CASR: variants seen among roughly 807,000 people sequenced by gnomAD.
The protein encoded by CASR is extracellular calcium-sensing receptor.
In CASR, 23 loss-of-function variants were observed where a neutral mutation model predicts 69.1. That is an observed-to-expected ratio of 0.33 (90% CI 0.24 to 0.47). CASR has a LOEUF of 0.47. Ranked by LOEUF, CASR falls within the 20% of genes least tolerant of loss-of-function variation. The pLI, the probability that CASR is intolerant of heterozygous loss-of-function variation, is 1.00. For missense variants in CASR, 924 were observed against 1,356.1 expected (o/e 0.68, Z 5.00); for synonymous variants, 541 against 544.7 (o/e 0.99, Z 0.10).
Position 122,254,295 on chromosome 3 carries a change from G to A in CASR, c.106G>A (p.Gly36Arg), listed in dbSNP as rs193922420. The change falls in exon 2 of 7, where the codon GGG becomes AGG. Residue 36 changes from glycine to arginine, a missense_variant. By Grantham distance (125) the Gly-to-Arg change is moderately radical. Transcript: ENST00000639785. ...AQKKGDIILGGLFPIHFGVAA... is the reference protein window; with the variant it reads ...AQKKGDIILGRLFPIHFGVAA... ...AAAGAAGGGGGACATTATCCTTGGG[G>A]GGCTCTTTCCTATTCATTTTGGAGT... 7.4e-6 allele frequency: 12 copies of A among 1,614,012 alleles called. No homozygotes were observed. The highest frequency in any genetic ancestry group is 9.3e-6 in the Non-Finnish European group (11 of 1,180,038).
chr3:122,204,265 T>G (rs1258324849), intron 1 of CASR, among the ~76,000 whole-genome samples: 1 of 152,194 alleles, frequency 6.6e-6, no homozygotes, highest in Admixed American at 6.5e-5. Context: ...TGGTGACCAC[T>G]AGTCTCCTCT....
intron 1 of CASR, among the ~76,000 whole-genome samples, chr3:122,192,629 G>T (rs1276600741): frequency 6.6e-6 from 1 of 152,160 alleles, no homozygotes; most frequent in Admixed American, 6.5e-5. Flanking sequence ...TAGAGAGCAG[G>T]TATATGTATT....
At chr3:122,203,285 G>A (rs2073975334) in intron 1 of CASR, among the ~76,000 whole-genome samples, 4 of 152,216 alleles carry the variant, frequency 2.6e-5, no homozygotes. Flanking sequence ...ACACAGGAGA[G>A]ACAGTCATGG....
Position 122,284,818 on chromosome 3 carries a change from G to A in CASR, c.2864G>A (p.Arg955Gln), listed in dbSNP as rs866599196. ...CCCCTGACCCTCCCACAGCAGCAAC[G>A]ATCTCAGCAGCAGCCCAGATGCAAG... is the stretch of plus-strand genomic sequence containing the variant. ...QQPLTLPQQQ[R>Q]SQQQPRCKQK... Residue 955 changes from arginine (R) to glutamine (Q), a missense_variant, in exon 7 of 7, where the codon CGA becomes CAA. Physicochemically the swap from Arg to Gln is conservative, Grantham distance 43. Coordinates refer to ENST00000639785, the MANE Select transcript of CASR (RefSeq NM_000388.4). The A allele has an allele frequency of 5.0e-6, 8 of 1,614,110 alleles. No individual in the cohort carries two copies. The Admixed American group carries it at 5.0e-5, about 10-fold the overall frequency.
chr3:122,201,019 T>TTTTA, intron 1 of CASR, among the ~76,000 whole-genome samples: 1 of 139,288 alleles, frequency 7.2e-6, no homozygotes, highest in African/African-American at 2.6e-5. Context: ...TTTTTTTTTT[T>TTTTA]ATTGATCATT....
chr3:122,223,590 T>C (rs1471618599), intron 1 of CASR, among the ~76,000 whole-genome samples: 1 of 152,150 alleles, frequency 6.6e-6, no homozygotes, highest in African/African-American at 2.4e-5. Context: ...CAGAGCCAGA[T>C]GGATTCACAG....
intron 1 of CASR, among the ~76,000 whole-genome samples, chr3:122,240,889 C>T (rs2107614613): frequency 6.6e-6 from 1 of 152,128 alleles, no homozygotes; most frequent in South Asian, 2.1e-4. Context: ...AGTTTGGAAA[C>T]TATACAATCA....
intron 1 of CASR, among the ~76,000 whole-genome samples, chr3:122,214,463 T>C (rs1445426242): frequency 5.3e-5 from 8 of 152,148 alleles, no homozygotes; most frequent in African/African-American, 1.9e-4. Context: ...GACAGGATAA[T>C]GAAGGGATGA....
intron 1 of CASR, among the ~76,000 whole-genome samples, chr3:122,195,875 T>G (rs978239915): frequency 6.6e-6 from 1 of 152,186 alleles, no homozygotes; most frequent in Non-Finnish European, 1.5e-5. Flanking sequence ...ACTGCGAGAG[T>G]ATAAATGAAT....
chr3:122,253,761 T>C (rs34512163), intron 1 of CASR, among the ~76,000 whole-genome samples, 187 bp from the exon 2 acceptor site: 268 of 152,270 alleles, frequency 1.8e-3, no homozygotes, highest in African/African-American at 6.2e-3. Flanking sequence ...TCTTCCCCAA[T>C]ATGGGCAATT....
At chr3:122,244,623 AGGCATGAGTGGG>A (rs2074409456) in intron 1 of CASR, among the ~76,000 whole-genome samples, 1 of 152,096 alleles carries the variant, frequency 6.6e-6, no homozygotes, top group Admixed American at 6.5e-5. Flanking sequence ...GACTCTAGGG[AGGCATGAGTGGG>A]GGCTCCGGAG....
At position 122,262,180 on chromosome 3, in the gene CASR, A is replaced by G. The variant is rs2074634937; in HGVS notation, c.1145A>G (p.Asp382Gly). 6.2e-7 allele frequency: 1 copy of G among 1,614,104 alleles called. No homozygotes were observed. Among genetic ancestry groups the G allele is most frequent in the African/African-American group, 1.3e-5 (1 of 74,934 alleles). The change falls in exon 4 of 7, where the codon GAC (aspartate) becomes GGC (glycine). Residue 382 changes from aspartate to glycine, a missense_variant. By Grantham distance (94) the Asp-to-Gly change is moderately conservative. Transcript: ENST00000639785. The part of the protein sequence containing the change: ...TFLRGHEESG[D>G]RFSNSSTAFR... ...CTGAGAGGTCACGAAGAAAGTGGCG[A>G]CAGGTTTAGCAACAGCTCGACAGCC...
intron 1 of CASR, among the ~76,000 whole-genome samples, chr3:122,233,615 T>G (rs2074300287): frequency 6.6e-6 from 1 of 152,226 alleles, no homozygotes; most frequent in African/African-American, 2.4e-5. Flanking sequence ...GAGCGAATGT[T>G]TCTTCTCTCA....
At chr3:122,205,167 G>C (rs756397129) in intron 1 of CASR, among the ~76,000 whole-genome samples, 1 of 152,010 alleles carries the variant, frequency 6.6e-6, no homozygotes, top group African/African-American at 2.4e-5. Context: ...CCAATGTCCC[G>C]AAGCATTTCC....
chr3:122,252,343 AGAAGAAAGAAAGAAAGAAAGAAGGAAG>A (rs1175497937), intron 1 of CASR, among the ~76,000 whole-genome samples: 1 of 63,018 alleles, frequency 1.6e-5, no homozygotes, highest in African/African-American at 6.4e-5. Context: ...AGAGAAAGAA[AGAAGAAAGAAAGAAAGAAAGAAGGAAG>A]GAAGGAAGGA....
At position 122,252,449 on chromosome 3, in the gene CASR, A is replaced by AAAGAAAGAAAGAAAGAAAGAAAG. The variant is rs1559954421; in HGVS notation, c.-242-1497_-242-1496insGAAAGAAAGAAAGAAAGAAAGAA. On this transcript the variant is annotated intron_variant, in intron 1 of 6. Coordinates refer to ENST00000639785, the MANE Select transcript of CASR (RefSeq NM_000388.4). ...AGAAAGAAAGAAAGAAAGAAAGAAAAAAAAGAAAAGAAAGAAAAGAAAAGA... is the reference window on the plus strand; with the variant it reads ...AGAAAGAAAGAAAGAAAGAAAGAAAAAAGAAAGAAAGAAAGAAAGAAAGAAAAGAAAAGAAAGAAAAGAAAAGA... Among the ~76,000 whole-genome samples, 74 of 54,552 alleles carry AAAGAAAGAAAGAAAGAAAGAAAG rather than the reference A, an allele frequency of 1.4e-3. 2 individuals are homozygous for AAAGAAAGAAAGAAAGAAAGAAAG. The highest frequency in any genetic ancestry group is 3.2e-3 in the African/African-American group (42 of 13,260). The allele number at this position is 54,552 out of a possible 152,430, so 35.8% of individuals were successfully genotyped here. A position where few individuals can be genotyped will look rare whatever the true frequency, so the allele number is the denominator to read the frequency against.
chr3:122,239,324 C>T (rs11918758), intron 1 of CASR, among the ~76,000 whole-genome samples: 6,884 of 152,278 alleles, frequency 0.045, 181 homozygotes, highest in South Asian at 0.085. Context: ...AGGAGGGGCT[C>T]CTCTGCCTGT....
chr3:122,212,502 G>A (rs13059258), intron 1 of CASR, among the ~76,000 whole-genome samples: 6,676 of 152,160 alleles, frequency 0.044, 365 homozygotes, highest in East Asian at 0.32. Context: ...AACCACCACG[G>A]CACATGTTTA....
intron 1 of CASR, among the ~76,000 whole-genome samples, chr3:122,249,734 A>T (rs2074463947): frequency 1.3e-5 from 2 of 152,288 alleles, no homozygotes; most frequent in Admixed American, 1.3e-4. Flanking sequence ...AAACATGATT[A>T]TATATGATTT....
Sources: gnomAD v4.1 joint callset for allele counts (sites outside exome capture counted in the v4.1 genomes callset) on GRCh38, gnomAD v4.1.1 for gene constraint, MANE v1.5 for transcripts, NCBI Gene and HGNC (gene_info 2026-07-23, HGNC 2026-07-21) for gene names.